The following VAV3 variants were observed in gnomAD, a reference collection of about 807,000 sequenced individuals.
The protein encoded by VAV3 is vav guanine nucleotide exchange factor 3, also known as guanine nucleotide exchange factor VAV3.
In VAV3, 94 loss-of-function variants were observed where a neutral mutation model predicts 131.2. That is an observed-to-expected ratio of 0.72 (90% CI 0.61 to 0.85). The LOEUF is 0.85. Ranked by LOEUF, VAV3 falls within the 40% of genes least tolerant of loss-of-function variation. VAV3 has a pLI of 0.00. For missense variants in VAV3, 939 were observed against 1,002.7 expected (o/e 0.94, Z 0.86); for synonymous variants, 349 against 342.0 (o/e 1.02, Z -0.22).
At chr1:107,866,856 T>C (rs1393176729) in intron 2 of VAV3, among the ~76,000 whole-genome samples, 4 of 144,728 alleles carry the variant, frequency 2.8e-5, no homozygotes, top group African/African-American at 1.1e-4. Context: ...AAATAGGGCA[T>C]TTGTAACCAT....
At chr1:107,678,961 T>C (rs1407901335) in intron 19 of VAV3, among the ~76,000 whole-genome samples, 1 of 152,156 alleles carries the variant, frequency 6.6e-6, no homozygotes, top group Non-Finnish European at 1.5e-5. Flanking sequence ...CATGCATTTA[T>C]GCAATCAGAA....
intron 19 of VAV3, among the ~76,000 whole-genome samples, chr1:107,652,750 T>C (rs1433616934): frequency 6.6e-6 from 1 of 152,196 alleles, no homozygotes; most frequent in East Asian, 1.9e-4. Context: ...ACTTGATCAT[T>C]AGTTTTTACT....
intron 2 of VAV3, among the ~76,000 whole-genome samples, chr1:107,852,191 A>G (rs1053863715): frequency 6.6e-6 from 1 of 152,160 alleles, no homozygotes; most frequent in Non-Finnish European, 1.5e-5. Context: ...ATGGGACTAT[A>G]TATTTTTCCC....
chr1:107,844,176 G>A (rs979687058), intron 2 of VAV3, among the ~76,000 whole-genome samples: 3 of 151,884 alleles, frequency 2.0e-5, no homozygotes. Flanking sequence ...AGGGCAAGCA[G>A]AAGCAGGGTG....
At chr1:107,832,629 T>C (rs1040424086) in intron 2 of VAV3, among the ~76,000 whole-genome samples, 1 of 152,258 alleles carries the variant, frequency 6.6e-6, no homozygotes, top group Non-Finnish European at 1.5e-5. Flanking sequence ...AACTGTCTAA[T>C]ATCCAGGATG....
intron 17 of VAV3, among the ~76,000 whole-genome samples, chr1:107,699,221 A>G (rs371215948): frequency 1.3e-4 from 20 of 152,390 alleles, no homozygotes; most frequent in African/African-American, 4.8e-4. Flanking sequence ...CCCAAGATAC[A>G]ATAGGGGTAC....
At chr1:107,914,780 A>C (rs1449878564) in intron 1 of VAV3, among the ~76,000 whole-genome samples, 1 of 152,174 alleles carries the variant, frequency 6.6e-6, no homozygotes, top group African/African-American at 2.4e-5. Context: ...CCAGCACTGT[A>C]CTAAATACTG....
At chr1:107,756,724 C>T (rs560407343) in intron 11 of VAV3, among the ~76,000 whole-genome samples, 2 of 151,900 alleles carry the variant, frequency 1.3e-5, no homozygotes, top group East Asian at 1.9e-4. Context: ...TCATAATTTT[C>T]GTATTTTCCT....
At chr1:107,884,634 G>A (rs1322587443) in intron 1 of VAV3, among the ~76,000 whole-genome samples, 1 of 151,238 alleles carries the variant, frequency 6.6e-6, no homozygotes, top group Non-Finnish European at 1.5e-5. Flanking sequence ...TTTTTTTGTA[G>A]AGATGAGGTC....
At position 107,617,560 on chromosome 1, in the gene VAV3, T is replaced by C; in HGVS notation, c.1980+7A>G. 3 of 1,608,508 alleles carry C rather than the reference T, an allele frequency of 1.9e-6. No homozygotes were observed. The East Asian group carries it at 6.7e-5, about 36-fold the overall frequency. ...AAGCAAGAGAAAATTAAGATACTAA[T>C]ACTTACACATGGGCAAGGCTTGACT... On this transcript the variant is annotated splice_region_variant and intron_variant, in intron 21 of 26. Transcript: ENST00000370056.
intron 22 of VAV3, among the ~76,000 whole-genome samples, chr1:107,605,633 A>C (rs1210596743): frequency 6.6e-6 from 1 of 152,260 alleles, no homozygotes; most frequent in Non-Finnish European, 1.5e-5. Flanking sequence ...AAACTTTCTG[A>C]GAGTCAGCAT....
chr1:107,905,349 G>A (rs1293227553), intron 1 of VAV3, among the ~76,000 whole-genome samples: 2 of 152,084 alleles, frequency 1.3e-5, no homozygotes, highest in East Asian at 3.9e-4. Flanking sequence ...TTAAAGACTG[G>A]TATATGCGAC....
intron 20 of VAV3, among the ~76,000 whole-genome samples, chr1:107,628,838 GAC>G (rs1362212766): frequency 6.6e-6 from 1 of 152,108 alleles, no homozygotes; most frequent in Non-Finnish European, 1.5e-5. Context: ...GCCCTTTAAA[GAC>G]ACAGTTCTAA....
intron 15 of VAV3, among the ~76,000 whole-genome samples, chr1:107,736,306 G>A (rs1171955419): frequency 6.6e-6 from 1 of 152,148 alleles, no homozygotes; most frequent in Non-Finnish European, 1.5e-5. Flanking sequence ...ACAAGACAGG[G>A]ATGCCCTCTC....
At chr1:107,621,126 G>C (rs1387137569) in intron 20 of VAV3, among the ~76,000 whole-genome samples, 2 of 150,252 alleles carry the variant, frequency 1.3e-5, no homozygotes, top group Non-Finnish European at 3.0e-5. Context: ...GACACTCTTG[G>C]AGGTCCTTCA....
At chr1:107,872,611 T>C (rs965228539) in intron 2 of VAV3, among the ~76,000 whole-genome samples, 14 of 152,174 alleles carry the variant, frequency 9.2e-5, no homozygotes, top group African/African-American at 3.4e-4. Flanking sequence ...ACCCACAAGC[T>C]AGGACCTATA....
At chr1:107,751,641 C>T (rs761159661) in intron 12 of VAV3, among the ~76,000 whole-genome samples, 8 of 151,546 alleles carry the variant, frequency 5.3e-5, no homozygotes, top group South Asian at 2.1e-4. Context: ...CAATTACAAA[C>T]GCACAATTGC....
chr1:107,639,282 G>T (rs994567330), intron 20 of VAV3, among the ~76,000 whole-genome samples: 1 of 151,748 alleles, frequency 6.6e-6, no homozygotes, highest in South Asian at 2.1e-4. Context: ...TTTGTTAGAT[G>T]TAATACCTTT....
chr1:107,662,409 A>G (rs150989773), intron 19 of VAV3, among the ~76,000 whole-genome samples: 140 of 151,622 alleles, frequency 9.2e-4, no homozygotes, highest in African/African-American at 3.3e-3. Context: ...TCTATAAGGG[A>G]AAAAAAAATA....
Sources: allele counts gnomAD v4.1 joint callset (sites outside exome capture counted in the v4.1 genomes callset), GRCh38; gene constraint gnomAD v4.1.1; transcripts MANE v1.5; gene names NCBI Gene and HGNC (gene_info 2026-07-23, HGNC 2026-07-21).